The following POC1B variants were observed in gnomAD, a reference collection of about 807,000 sequenced individuals.
POC1B encodes the protein POC1 centriolar protein B.
POC1B carries 44 observed loss-of-function variants against 60.6 expected under a neutral mutation model. The ratio of observed to expected loss-of-function variants is 0.73; its 90% CI spans 0.57 to 0.93. The LOEUF is 0.93. POC1B is among the 40% of genes least tolerant of loss of function. The pLI is 0.00. For missense variants in POC1B, 555 were observed against 572.3 expected (o/e 0.97, Z 0.31); for synonymous variants, 180 against 198.9 (o/e 0.90, Z 0.80).
intron 10 of POC1B, among the ~76,000 whole-genome samples, chr12:89,451,436 T>C (rs1212259217): frequency 1.3e-5 from 2 of 152,210 alleles, no homozygotes; most frequent in Non-Finnish European, 2.9e-5. Flanking sequence ...AAATCTTCCA[T>C]TGCAAAAGTC....
At chr12:89,519,719 G>T (rs1241835449) in intron 2 of POC1B, 2 of 152,468 alleles carry the variant, frequency 1.3e-5, no homozygotes, top group African/African-American at 4.8e-5. Context: ...TAATGAATAT[G>T]CAGGAACTTA....
At chr12:89,462,701 G>A (rs1173712336) in intron 9 of POC1B, among the ~76,000 whole-genome samples, 2 of 152,156 alleles carry the variant, frequency 1.3e-5, no homozygotes, top group African/African-American at 2.4e-5. Context: ...TAAAAACACA[G>A]AATGGAACCA....
At chr12:89,452,254 T>C (rs1324651448) in intron 10 of POC1B, among the ~76,000 whole-genome samples, 1 of 152,006 alleles carries the variant, frequency 6.6e-6, no homozygotes, top group Non-Finnish European at 1.5e-5. Flanking sequence ...GCGTCACAGT[T>C]TAGAAATACA....
In POC1B at chr12:89,459,713, A is replaced by T; in HGVS notation, c.1038T>A (p.Asn346Lys). 6.5e-7 allele frequency: 1 copy of T among 1,533,496 alleles called. No individual in the cohort carries two copies. Among genetic ancestry groups the T allele is most frequent in the Non-Finnish European group, 8.8e-7 (1 of 1,134,898 alleles). The allele number at this position is 1,533,496 out of a possible 1,614,324, so 95.0% of individuals were successfully genotyped here. ...HEEKVETVEI[N>K]PKLEVIDLQI... ...GCAAATCGATTACCTCAAGCTTTGG[A>T]TTAATCTGTGTATATACATAAAAAA... The change falls in exon 10 of 12, where the codon AAT becomes AAA. Residue 346 changes from asparagine to lysine, a missense_variant. Transcript: ENST00000313546.
intron 3 of POC1B, among the ~76,000 whole-genome samples, chr12:89,495,734 C>T (rs2135741605): frequency 6.6e-6 from 1 of 152,140 alleles, no homozygotes; most frequent in Non-Finnish European, 1.5e-5. Flanking sequence ...TGCATTATTA[C>T]ATTTATTGTG....
At chr12:89,492,959 A>G (rs907365531) in intron 3 of POC1B, among the ~76,000 whole-genome samples, 4 of 152,116 alleles carry the variant, frequency 2.6e-5, no homozygotes, top group Non-Finnish European at 4.4e-5. Flanking sequence ...TCACCTACAT[A>G]TTGTGCTTAT....
At chr12:89,503,572 A>G (rs1181251406) in intron 2 of POC1B, among the ~76,000 whole-genome samples, 1 of 138,248 alleles carries the variant, frequency 7.2e-6, no homozygotes, top group Non-Finnish European at 1.6e-5. Context: ...CTGCCCGGCC[A>G]CCATCCCGTC....
At chr12:89,501,536 T>C (rs1869566069) in intron 2 of POC1B, 2 of 1,118,536 alleles carry the variant, frequency 1.8e-6, no homozygotes, top group African/African-American at 1.6e-5. Context: ...AAAATACAGA[T>C]GCCACCTGTG....
At chr12:89,422,947 G>A (rs566001551) in intron 11 of POC1B, among the ~76,000 whole-genome samples, 1 of 152,218 alleles carries the variant, frequency 6.6e-6, no homozygotes, top group Admixed American at 6.5e-5. Context: ...GAAAAATAAT[G>A]GTGATGCTGT....
intron 2 of POC1B, chr12:89,524,476 A>G (rs1259711540): frequency 1.2e-6 from 2 of 1,613,548 alleles, no homozygotes; most frequent in East Asian, 2.2e-5. Context: ...CAAGAGCTCC[A>G]CGAAGATATA....
At chr12:89,500,374 A>T in intron 2 of POC1B, 2 of 1,495,204 alleles carry the variant, frequency 1.3e-6, no homozygotes, top group Non-Finnish European at 9.3e-7. Flanking sequence ...GGAAGAAAGA[A>T]GCCTCTCTGC....
intron 10 of POC1B, chr12:89,426,178 G>GAAT (rs1880755759): frequency 6.6e-6 from 1 of 152,178 alleles, no homozygotes. Flanking sequence ...GAGGTGCCTA[G>GAAT]AATAGGTAAA....
chr12:89,513,964 T>A (rs1310827540), intron 2 of POC1B, among the ~76,000 whole-genome samples: 5 of 152,204 alleles, frequency 3.3e-5, no homozygotes, highest in African/African-American at 1.2e-4. Context: ...TAAAAAGGGA[T>A]GACAACACTT....
At chr12:89,461,147 T>A (rs1360242739) in intron 9 of POC1B, 1 of 150,298 alleles carries the variant, frequency 6.7e-6, no homozygotes, top group Non-Finnish European at 1.5e-5. Flanking sequence ...AAAAAAAAAT[T>A]GCAAAAATAT....
chr12:89,449,541 A>G (rs887553869), intron 10 of POC1B, among the ~76,000 whole-genome samples: 1 of 152,210 alleles, frequency 6.6e-6, no homozygotes, highest in African/African-American at 2.4e-5. Context: ...TTCCCTAAAT[A>G]TAATACTACA....
intron 2 of POC1B, among the ~76,000 whole-genome samples, chr12:89,508,396 G>T: frequency 6.6e-6 from 1 of 152,104 alleles, no homozygotes. Flanking sequence ...AAGACTATAG[G>T]CTTGTTATTT....
In POC1B at chr12:89,421,135, T is replaced by C. The variant is rs1413405578; in HGVS notation, c.*18A>G. 23 of 1,559,960 alleles carry C rather than the reference T, an allele frequency of 1.5e-5. No individual in the cohort carries two copies. The highest frequency in any genetic ancestry group is 1.8e-5 in the Non-Finnish European group (20 of 1,140,870). On this transcript the variant is annotated 3_prime_UTR_variant, in exon 12 of 12. Coordinates refer to ENST00000313546, the MANE Select transcript of POC1B (RefSeq NM_172240.3). ...ATTTATTGGGCCTCTGCCCAACAAA[T>C]GAAAATGAATTTTTTATTCAGCTTT...
chr12:89,472,897 C>G (rs941159744), intron 4 of POC1B, among the ~76,000 whole-genome samples: 2 of 151,986 alleles, frequency 1.3e-5, no homozygotes, highest in Non-Finnish European at 2.9e-5. Flanking sequence ...TCCACACGCC[C>G]CATTAAAAAG....
intron 7 of POC1B, 21 bp from the exon 8 acceptor site, chr12:89,467,706 A>C (rs1371472644): frequency 6.3e-6 from 10 of 1,576,540 alleles, no homozygotes; most frequent in Non-Finnish European, 7.8e-6. Context: ...AAGGGAAATA[A>C]AGAAAAAAAG....
Sources: gnomAD v4.1 joint callset for allele counts (sites outside exome capture counted in the v4.1 genomes callset) on GRCh38, gnomAD v4.1.1 for gene constraint, MANE v1.5 for transcripts, NCBI Gene and HGNC (gene_info 2026-07-23, HGNC 2026-07-21) for gene names.